EML5: variants seen among roughly 807,000 people sequenced by gnomAD.
EML5 encodes the protein echinoderm microtubule-associated protein-like 5.
A neutral mutation model predicts 250.0 loss-of-function variants in EML5; 120 were observed. The observed-to-expected ratio is 0.48, with a 90% confidence interval of 0.41 to 0.56. The LOEUF is 0.56. Ranked by LOEUF, EML5 falls within the 20% of genes least tolerant of loss-of-function variation. EML5 has a pLI of 0.00. For missense variants in EML5, 2,006 were observed against 2,437.6 expected, an observed-to-expected ratio of 0.82 and a Z score of 3.73; for synonymous variants, 771 against 806.5, an observed-to-expected ratio of 0.96 and a Z score of 0.75.
intron 1 of EML5, among the ~76,000 whole-genome samples, chr14:88,759,835 C>G (rs2094214406): frequency 6.6e-6 from 1 of 151,852 alleles, no homozygotes; most frequent in Non-Finnish European, 1.5e-5. Flanking sequence ...AAGAAACTGT[C>G]AGTTTTCCAC....
chr14:88,746,354 T>G, intron 2 of EML5, 71 bp from the exon 3 acceptor site: 1 of 1,268,782 alleles, frequency 7.9e-7, no homozygotes, highest in South Asian at 1.3e-5. Context: ...GAATTACAAA[T>G]AGCAAAGAAA....
chr14:88,706,149 T>C, intron 11 of EML5, 110 bp downstream of exon 11: 1 of 1,040,292 alleles, frequency 9.6e-7, no homozygotes, highest in South Asian at 1.9e-5. Flanking sequence ...AATAACAAAC[T>C]ACACTGTTAA....
chr14:88,720,910 T>C (rs756586828), intron 8 of EML5, among the ~76,000 whole-genome samples: 7 of 152,170 alleles, frequency 4.6e-5, no homozygotes, highest in Non-Finnish European at 1.0e-4. Context: ...CTTAAGCTGA[T>C]AAGCAACTCC....
At position 88,757,134 on chromosome 14, in the gene EML5, A is replaced by G. The variant is rs772508974; in HGVS notation, c.198-2463T>C. ...TACTGGCATAAGGATATGCAGATCA[A>G]TCAAACAGAATCGTGAGTCCAGAAG... On this transcript the variant is annotated intron_variant, in intron 1 of 43. Coordinates refer to ENST00000554922, the MANE Select transcript of EML5 (RefSeq NM_183387.3). Among the ~76,000 whole-genome samples the G allele has an allele frequency of 5.9e-5, 9 of 152,228 alleles. No individual in the cohort carries two copies. In the East Asian group the frequency reaches 1.5e-3, roughly 26 times the overall value.
intron 1 of EML5, among the ~76,000 whole-genome samples, chr14:88,754,940 G>A (rs1470708321): frequency 6.6e-6 from 1 of 152,150 alleles, no homozygotes; most frequent in Admixed American, 6.5e-5. Context: ...GAGTAGCTGG[G>A]ATTACAGGCA....
chr14:88,668,637 A>T (rs964898701), intron 21 of EML5, among the ~76,000 whole-genome samples: 1 of 152,106 alleles, frequency 6.6e-6, no homozygotes, highest in Non-Finnish European at 1.5e-5. Flanking sequence ...GCTACAAAAG[A>T]GGGAAGAGAA....
intron 9 of EML5, among the ~76,000 whole-genome samples, chr14:88,713,840 GT>G (rs33988759): frequency 0.45 from 58,220 of 129,860 alleles, 12,614 homozygotes; most frequent in Middle Eastern, 0.57. Context: ...AAGTTTATTT[GT>G]TTTTTTTTTT....
chr14:88,638,462 G>C (rs1039341734), intron 32 of EML5, among the ~76,000 whole-genome samples: 1 of 152,170 alleles, frequency 6.6e-6, no homozygotes, highest in African/African-American at 2.4e-5. Flanking sequence ...GCTTCCCTTT[G>C]TTTACTACTT....
chr14:88,787,370 G>C (rs555799691), intron 1 of EML5, among the ~76,000 whole-genome samples: 1 of 152,264 alleles, frequency 6.6e-6, no homozygotes, highest in Admixed American at 6.5e-5. Context: ...TTTCTTGGAT[G>C]AGAAAACTTT....
At chr14:88,672,121 C>T (rs1359983361) in intron 21 of EML5, among the ~76,000 whole-genome samples, 5 of 152,112 alleles carry the variant, frequency 3.3e-5, no homozygotes, top group African/African-American at 9.7e-5. Flanking sequence ...CCACATAGCA[C>T]GTACCCTAAA....
chr14:88,651,630 C>T (rs1270492104), intron 27 of EML5, among the ~76,000 whole-genome samples: 2 of 152,000 alleles, frequency 1.3e-5, no homozygotes, highest in Admixed American at 1.3e-4. Context: ...ACACTTTTCA[C>T]TTTTCATTAC....
intron 2 of EML5, among the ~76,000 whole-genome samples, chr14:88,750,532 T>C (rs2094077393): frequency 6.6e-6 from 1 of 152,182 alleles, no homozygotes; most frequent in South Asian, 2.1e-4. Context: ...CATAAATGTT[T>C]GCATCATATT....
chr14:88,771,254 T>C (rs1187228258), intron 1 of EML5, among the ~76,000 whole-genome samples: 1 of 152,224 alleles, frequency 6.6e-6, no homozygotes, highest in Non-Finnish European at 1.5e-5. Flanking sequence ...TATCAACCTC[T>C]GCCTTGCAGC....
intron 20 of EML5, among the ~76,000 whole-genome samples, chr14:88,684,466 G>A (rs577783969): frequency 4.8e-5 from 7 of 147,108 alleles, no homozygotes; most frequent in East Asian, 4.2e-4. Flanking sequence ...CACCGCGCCC[G>A]GCCTGTTTTA....
At chr14:88,631,284 A>C (rs1439324792) in intron 33 of EML5, among the ~76,000 whole-genome samples, 1 of 152,200 alleles carries the variant, frequency 6.6e-6, no homozygotes, top group African/African-American at 2.4e-5. Flanking sequence ...TGTGATCATG[A>C]CACACCGCAG....
At chr14:88,652,338 C>G (rs1361478665) in intron 27 of EML5, among the ~76,000 whole-genome samples, 2 of 152,136 alleles carry the variant, frequency 1.3e-5, no homozygotes, top group Admixed American at 6.6e-5. Flanking sequence ...AACACTCCAT[C>G]TAGACTTCCC....
intron 17 of EML5, among the ~76,000 whole-genome samples, chr14:88,692,770 G>A (rs1328285334): frequency 1.3e-5 from 2 of 152,168 alleles, no homozygotes; most frequent in Admixed American, 1.3e-4. Context: ...TTTTTACTTT[G>A]TAAACGCATA....
At chr14:88,651,566 A>G (rs1317405245) in intron 27 of EML5, among the ~76,000 whole-genome samples, 1 of 152,116 alleles carries the variant, frequency 6.6e-6, no homozygotes, top group Admixed American at 6.5e-5. Context: ...AAAAATCAAT[A>G]TAACAAATGA....
At chr14:88,751,375 G>A (rs2094091495) in intron 2 of EML5, among the ~76,000 whole-genome samples, 1 of 152,156 alleles carries the variant, frequency 6.6e-6, no homozygotes, top group African/African-American at 2.4e-5. Flanking sequence ...CAGAACAAAG[G>A]ACCTCAAGAT....
Sources: allele counts gnomAD v4.1 joint callset (sites outside exome capture counted in the v4.1 genomes callset), GRCh38; gene constraint gnomAD v4.1.1; transcripts MANE v1.5; gene names NCBI Gene and HGNC (gene_info 2026-07-23, HGNC 2026-07-21).